Variants in PGR observed in about 807,000 individuals in gnomAD.
The protein encoded by PGR is nuclear receptor subfamily 3 group C member 3.
In PGR, 25 loss-of-function variants were observed where a neutral mutation model predicts 76.1. That is an observed-to-expected ratio of 0.33 (90% confidence interval 0.24 to 0.46). The LOEUF is 0.46. Ranked by LOEUF, PGR falls within the 20% of genes least tolerant of loss-of-function variation. The pLI is 1.00. For synonymous variants in PGR, 579 were observed against 535.0 expected (o/e 1.08, Z -1.14); for missense variants, 1,172 against 1,225.3 (o/e 0.96, Z 0.65).
At chr11:101,115,921 C>A (rs889057300) in intron 2 of PGR, among the ~76,000 whole-genome samples, 1 of 152,064 alleles carries the variant, frequency 6.6e-6, no homozygotes, top group Non-Finnish European at 1.5e-5. Context: ...ATGTATTGGG[C>A]CAATTGTGTT....
intron 3 of PGR, among the ~76,000 whole-genome samples, chr11:101,067,499 C>T (rs1248941661): frequency 6.6e-6 from 1 of 151,856 alleles, no homozygotes. Flanking sequence ...CAATGAAGAG[C>T]TGCCATGGAG....
chr11:101,121,969 AT>A (rs1862692133), intron 2 of PGR, among the ~76,000 whole-genome samples: 1 of 152,258 alleles, frequency 6.6e-6, no homozygotes, highest in South Asian at 2.1e-4. Flanking sequence ...GATTGAGACC[AT>A]GGTGAAACCC....
intron 2 of PGR, among the ~76,000 whole-genome samples, chr11:101,108,789 T>A (rs1393377102): frequency 2.6e-5 from 4 of 152,208 alleles, no homozygotes; most frequent in Admixed American, 2.6e-4. Flanking sequence ...TTAAGGGAGA[T>A]ACAAGCATAT....
In PGR at chr11:101,129,071, G is replaced by C. The variant is rs1333334095; in HGVS notation, c.-1C>G. ...GACCCTTTGCCTTCAGCTCAGTCATGACGACTGGACTCCCCTTTTCTCCTC... is the reference window on the plus strand; with the variant it reads ...GACCCTTTGCCTTCAGCTCAGTCATCACGACTGGACTCCCCTTTTCTCCTC... On this transcript the variant is annotated 5_prime_UTR_variant, in exon 1 of 8. Transcript: ENST00000325455. 1 of 1,532,012 alleles carries C rather than the reference G, an allele frequency of 6.5e-7. No individual in the cohort carries two copies. The highest frequency in any genetic ancestry group is 8.8e-7 in the Non-Finnish European group (1 of 1,137,938). 94.9% of individuals were successfully genotyped at this position (1,532,012 alleles called of 1,614,324 possible).
At position 101,050,073 on chromosome 11, in the gene PGR, C is replaced by G; in HGVS notation, c.2358-14G>C. 2 of 1,611,406 alleles carry G rather than the reference C, an allele frequency of 1.2e-6. No individual in the cohort carries two copies. The highest frequency in any genetic ancestry group is 1.7e-6 in the Non-Finnish European group (2 of 1,178,508). On this transcript the variant is annotated splice_polypyrimidine_tract_variant and intron_variant, in intron 5 of 7. Transcript: ENST00000325455. ...TTCATCCGCTGTCTTGCATCACACA[C>G]AATACACAAAAGAAAAAGCAACAGG...
chr11:101,111,106 T>C (rs933773702), intron 2 of PGR, among the ~76,000 whole-genome samples: 3 of 152,230 alleles, frequency 2.0e-5, no homozygotes, highest in African/African-American at 4.8e-5. Context: ...TTTGCTTTAT[T>C]GTAGTTGTCT....
chr11:101,101,056 G>A (rs1861982419), intron 2 of PGR, among the ~76,000 whole-genome samples: 1 of 152,162 alleles, frequency 6.6e-6, no homozygotes, highest in African/African-American at 2.4e-5. Flanking sequence ...GCTCCTTGGG[G>A]AAATGACTGA....
Position 101,128,791 on chromosome 11 carries a change from T to C in PGR, c.280A>G (p.Arg94Gly), listed in dbSNP as rs1862990941. The change falls in exon 1 of 8, where the codon AGG (arginine) becomes GGG (glycine). Residue 94 changes from arginine to glycine, a missense_variant. Coordinates refer to ENST00000325455, the MANE Select transcript of PGR (RefSeq NM_000926.4). Reference protein sequence around the residue: ...EGAYSRAEATRGAGGSSSSPP... With the variant: ...EGAYSRAEATGGAGGSSSSPP... ...CTAGAACTGCTGCCTCCAGCACCCC[T>C]TGTAGCTTCAGCTCTGGAATATGCG... 3.1e-6 allele frequency: 5 copies of C among 1,614,130 alleles called. No homozygotes were observed. The East Asian group carries it at 1.1e-4, about 36-fold the overall frequency.
intron 3 of PGR, among the ~76,000 whole-genome samples, chr11:101,081,321 C>T (rs950705418): frequency 7.3e-5 from 11 of 151,636 alleles, no homozygotes; most frequent in South Asian, 2.1e-4. Context: ...CCCAGCTACT[C>T]GGGAGGTTGA....
rs554000709 is a variant in PGR, at chr11:101,036,279, T to C, written c.*2837A>G. The C allele has an allele frequency of 7.7e-5, 17 of 220,776 alleles. No individual in the cohort carries two copies. The highest frequency in any genetic ancestry group is 3.8e-4 in the African/African-American group (17 of 44,772). The allele number at this position is 220,776 out of a possible 1,614,324, so 13.7% of individuals were successfully genotyped here. The stretch of plus-strand genomic sequence containing the variant: ...TTAAATGGGAAAAAATAGCATAGCA[T>C]TGCCTTATTAAAAAGTGCCACATCT... On this transcript the variant is annotated 3_prime_UTR_variant, in exon 8 of 8. Coordinates refer to ENST00000325455, the MANE Select transcript of PGR (RefSeq NM_000926.4).
rs923377661 is a variant in PGR, at chr11:101,093,221, C to T, written c.1790-1345G>A. 4.6e-5 allele frequency among the ~76,000 whole-genome samples: 7 copies of T among 152,282 alleles called. No homozygotes were observed. The South Asian group carries it at 1.0e-3, about 23-fold the overall frequency. ...CACCTAATAAAGGGTAACTGTGAAG[C>T]CTCATATCTTTGCTGACTTTTGTGC... On this transcript the variant is annotated intron_variant, in intron 2 of 7. Coordinates refer to ENST00000325455, the MANE Select transcript of PGR (RefSeq NM_000926.4).
intron 4 of PGR, among the ~76,000 whole-genome samples, chr11:101,059,863 A>AAAG (rs1555050880): frequency 2.8e-4 from 39 of 141,156 alleles, no homozygotes; most frequent in Non-Finnish European, 3.6e-4. Flanking sequence ...AAAAAAAAAG[A>AAAG]AAAAAAAGAA....
At chr11:101,085,547 A>C (rs1266374895) in intron 3 of PGR, among the ~76,000 whole-genome samples, 1 of 149,418 alleles carries the variant, frequency 6.7e-6, no homozygotes, top group Admixed American at 6.7e-5. Context: ...AAAAAAAAAA[A>C]AAACAAGAAC....
chr11:101,115,487 A>G (rs1401625347), intron 2 of PGR, among the ~76,000 whole-genome samples: 1 of 152,120 alleles, frequency 6.6e-6, no homozygotes, highest in Non-Finnish European at 1.5e-5. Flanking sequence ...AATGATAAGA[A>G]TAGGCTGGGC....
At chr11:101,116,314 G>A (rs1364805452) in intron 2 of PGR, among the ~76,000 whole-genome samples, 2 of 152,204 alleles carry the variant, frequency 1.3e-5, no homozygotes, top group Non-Finnish European at 2.9e-5. Context: ...GTACCTGAAG[G>A]TGAAAAGTGG....
rs1443466391 is a variant in PGR at position 101,073,277 on chromosome 11, G to A, written c.1907-10525C>T. ...AATAAATAAGTTATTTGAAACCAAT[G>A]AGAACAAAGACACAACATACCAGAA... On this transcript the variant is annotated intron_variant, in intron 3 of 7. Coordinates refer to ENST00000325455, the MANE Select transcript of PGR (RefSeq NM_000926.4). 2.0e-5 allele frequency among the ~76,000 whole-genome samples: 3 copies of A among 152,250 alleles called. No individual in the cohort carries two copies. In the East Asian group the frequency reaches 5.8e-4, roughly 29 times the overall value.
At chr11:101,075,748 CA>C (rs1861103526) in intron 3 of PGR, among the ~76,000 whole-genome samples, 1 of 151,874 alleles carries the variant, frequency 6.6e-6, no homozygotes, top group Non-Finnish European at 1.5e-5. Flanking sequence ...GGTCGAAATG[CA>C]AATCAATACC....
At chr11:101,054,185 A>AT (rs909665319) in intron 4 of PGR, among the ~76,000 whole-genome samples, 1 of 150,884 alleles carries the variant, frequency 6.6e-6, no homozygotes, top group African/African-American at 2.4e-5. Flanking sequence ...TCAGTAAATT[A>AT]TTTTTTTTCT....
intron 2 of PGR, among the ~76,000 whole-genome samples, chr11:101,109,257 T>C (rs888598743): frequency 7.2e-5 from 11 of 152,138 alleles, no homozygotes; most frequent in Admixed American, 2.0e-4. Flanking sequence ...CACCTTAAAT[T>C]AAAAGCTAGA....
Sources: allele counts gnomAD v4.1 joint callset (sites outside exome capture counted in the v4.1 genomes callset), GRCh38; gene constraint gnomAD v4.1.1; transcripts MANE v1.5; gene names NCBI Gene and HGNC (gene_info 2026-07-23, HGNC 2026-07-21).